B3GNT5: variants seen among roughly 807,000 people sequenced by gnomAD.
B3GNT5 encodes lactosylceramide 1,3-N-acetyl-beta-D-glucosaminyltransferase.
B3GNT5 carries 11 observed loss-of-function variants against 25.9 expected under a neutral mutation model. The observed-to-expected ratio is 0.42, with a 90% CI of 0.27 to 0.70. The LOEUF (loss-of-function observed/expected upper bound fraction) is 0.70, where lower values mean the gene tolerates loss of function less well. Ranked by LOEUF, B3GNT5 falls within the 30% of genes least tolerant of loss-of-function variation. The pLI is 0.23. For missense variants in B3GNT5, 385 were observed against 458.4 expected (o/e 0.84, Z 1.46); for synonymous variants, 166 against 158.6 (o/e 1.05, Z -0.35).
chr3:183,270,612 T>G lies in B3GNT5; in HGVS notation c.814T>G (p.Ser272Ala), dbSNP rs1251242157. Reference sequence around the variant, plus strand: ...TGTAGCTGCCAAAGTCTATGAGGCATCACAGACACTAAATTCAAGTCTTTA... The same window carrying G: ...TGTAGCTGCCAAAGTCTATGAGGCAGCACAGACACTAAATTCAAGTCTTTA... ...GDVAAKVYEA[S>A]QTLNSSLYID... Residue 272 changes from serine (S) to alanine (A), a missense_variant, in exon 2 of 2, where the codon TCA (serine) becomes GCA (alanine). By Grantham distance (99) the Ser-to-Ala change is moderately conservative. Coordinates refer to ENST00000326505, the MANE Select transcript of B3GNT5 (RefSeq NM_032047.5). The surrounding 1 kb of genome is among the most constrained non-coding windows in gnomAD (Gnocchi z 4.5). 4 of 1,614,190 alleles carry G rather than the reference T, an allele frequency of 2.5e-6. No homozygotes were observed. The highest frequency in any genetic ancestry group is 3.4e-6 in the Non-Finnish European group (4 of 1,180,038).
chr3:183,268,985 CTG>C (rs1174370403), intron 1 of B3GNT5, among the ~76,000 whole-genome samples: 1 of 151,930 alleles, frequency 6.6e-6, no homozygotes, highest in Non-Finnish European at 1.5e-5. Context: ...AAGGAGCAAA[CTG>C]TGACTCCTTG....
At position 183,270,006 on chromosome 3, in the gene B3GNT5, G is replaced by C. The variant is rs1726593140; in HGVS notation, c.208G>C (p.Gly70Arg). 4.3e-6 allele frequency: 7 copies of C among 1,613,976 alleles called. No individual in the cohort carries two copies. Among genetic ancestry groups the C allele is most frequent in the Non-Finnish European group, 5.9e-6 (7 of 1,180,042 alleles). Residue 70 changes from glycine (G) to arginine (R), a missense_variant, in exon 2 of 2, where the codon GGG (glycine) becomes CGG (arginine). By Grantham distance (125) the Gly-to-Arg change is moderately radical. Coordinates refer to ENST00000326505, the MANE Select transcript of B3GNT5 (RefSeq NM_032047.5). This position sits in a 1 kb window ranked among gnomAD's most constrained non-coding sequence, Gnocchi z 4.5. ...DTLSLKHTSAGPRYQYLINHK... is the reference protein window; with the variant it reads ...DTLSLKHTSARPRYQYLINHK... ...CCTGTCTCTTAAGCACACCTCAGCG[G>C]GGCCTCGCTACCAATACTTGATTAA...
In B3GNT5 at chr3:183,272,713, A is replaced by G; in HGVS notation, c.*1778A>G. ...AACATAGAGAACAAAAGCATATTTG[A>G]CCAAGCAACAAGCTTATAATTAATT... On this transcript the variant is annotated 3_prime_UTR_variant, in exon 2 of 2. Transcript: ENST00000326505. 2.0e-6 allele frequency: 2 copies of G among 1,021,724 alleles called. No homozygotes were observed. Among genetic ancestry groups the G allele is most frequent in the Non-Finnish European group, 1.2e-6 (1 of 844,106 alleles). 63.3% of individuals were successfully genotyped at this position (1,021,724 alleles called of 1,614,324 possible).
Position 183,269,727 on chromosome 3 carries a change from G to A in B3GNT5, c.-72G>A, listed in dbSNP as rs3811732. ...GATGGACACCTACTCTACGAAACAC[G>A]AAGTTCTATGGTCTCGAAGAAGCCC... On this transcript the variant is annotated 5_prime_UTR_variant, in exon 2 of 2. Coordinates refer to ENST00000326505, the MANE Select transcript of B3GNT5 (RefSeq NM_032047.5). 427,712 of 1,382,658 alleles carry A rather than the reference G, an allele frequency of 0.31. 69,160 individuals are homozygous for A. Among genetic ancestry groups the A allele is most frequent in the Non-Finnish European group, 0.33 (332,838 of 1,014,626 alleles). 85.6% of individuals were successfully genotyped at this position (1,382,658 alleles called of 1,614,324 possible).
intron 1 of B3GNT5, among the ~76,000 whole-genome samples, chr3:183,265,029 A>G (rs1725965489): frequency 1.3e-5 from 2 of 152,212 alleles, no homozygotes; most frequent in Non-Finnish European, 2.9e-5. Flanking sequence ...AGATATCTGC[A>G]TATTTTCTTC....
intron 1 of B3GNT5, among the ~76,000 whole-genome samples, chr3:183,255,807 TAAAA>T: frequency 7.4e-6 from 1 of 134,366 alleles, no homozygotes; most frequent in Non-Finnish European, 1.6e-5. Context: ...GGTGAGATTG[TAAAA>T]AAAAAAAAAA....
At chr3:183,268,603 A>AT (rs1443900280) in intron 1 of B3GNT5, among the ~76,000 whole-genome samples, 7 of 152,308 alleles carry the variant, frequency 4.6e-5, no homozygotes, top group Admixed American at 2.0e-4. Context: ...AGGGGAGAAG[A>AT]TAACAGAATG....
chr3:183,271,010 A>G lies in B3GNT5; in HGVS notation c.*75A>G. 1.5e-6 allele frequency: 2 copies of G among 1,352,928 alleles called. No homozygotes were observed. The highest frequency in any genetic ancestry group is 2.0e-6 in the Non-Finnish European group (2 of 999,410). The allele number at this position is 1,352,928 out of a possible 1,614,324, so 83.8% of individuals were successfully genotyped here. ...GAAAAAAACCTTTAAATGTTCGTCT[A>G]TACCCTAAGTAAAATGAGGACGAAA... On this transcript the variant is annotated 3_prime_UTR_variant, in exon 2 of 2. Coordinates refer to ENST00000326505, the MANE Select transcript of B3GNT5 (RefSeq NM_032047.5).
chr3:183,273,056 GAA>G lies in B3GNT5; in HGVS notation c.*2122_*2123del. 1 of 1,482,894 alleles carries G rather than the reference GAA, an allele frequency of 6.7e-7. No individual in the cohort carries two copies. The highest frequency in any genetic ancestry group is 9.0e-7 in the Non-Finnish European group (1 of 1,115,338). The allele number at this position is 1,482,894 out of a possible 1,614,324, so 91.9% of individuals were successfully genotyped here. ...TCATCACACTTACTTAAAGTACTGA[GAA>G]GAGTATCTGTAAATAAAAGGGTTCC... On this transcript the variant is annotated 3_prime_UTR_variant, in exon 2 of 2. Transcript: ENST00000326505.
chr3:183,264,860 C>T (rs75166343), intron 1 of B3GNT5, among the ~76,000 whole-genome samples: 24 of 152,258 alleles, frequency 1.6e-4, no homozygotes, highest in East Asian at 9.6e-4. Flanking sequence ...CTGAGGGGCA[C>T]GGCTCCTAGA....
chr3:183,270,407 G>A lies in B3GNT5; in HGVS notation c.609G>A (p.Leu203=). Residue 203 remains leucine, a synonymous_variant, in exon 2 of 2, where the codon CTG becomes CTA. Coordinates refer to ENST00000326505, the MANE Select transcript of B3GNT5 (RefSeq NM_032047.5). The surrounding 1 kb of genome is among the most constrained non-coding windows in gnomAD (Gnocchi z 4.5). ...ACATATTTATTCACATGCCAAATCT[G>A]ATTGAGTACCTTCAAAGTTTAGAAC... ...DDDIFIHMPN[L]IEYLQSLEQI... The A allele has an allele frequency of 1.2e-6, 2 of 1,614,138 alleles. No individual in the cohort carries two copies. Among genetic ancestry groups the A allele is most frequent in the Non-Finnish European group, 1.7e-6 (2 of 1,179,998 alleles).
chr3:183,269,081 T>A (rs1726444257), intron 1 of B3GNT5, among the ~76,000 whole-genome samples: 1 of 152,170 alleles, frequency 6.6e-6, no homozygotes, highest in African/African-American at 2.4e-5. Flanking sequence ...TAATGGATTT[T>A]TACTGCTGTG....
chr3:183,265,233 A>G (rs1013083996), intron 1 of B3GNT5: 18 of 152,358 alleles, frequency 1.2e-4, no homozygotes, highest in African/African-American at 4.3e-4. Context: ...GGCCCCAAAC[A>G]GGGGTAACCC....
intron 1 of B3GNT5, among the ~76,000 whole-genome samples, chr3:183,266,554 T>A (rs1726141483): frequency 6.6e-6 from 1 of 152,228 alleles, no homozygotes; most frequent in Non-Finnish European, 1.5e-5. Flanking sequence ...TTTTGGGGCT[T>A]CAGAGGATGG....
Position 183,270,321 on chromosome 3 carries a change from C to T in B3GNT5, c.523C>T (p.Gln175Ter). 1 of 1,614,124 alleles carries T rather than the reference C, an allele frequency of 6.2e-7. No homozygotes were observed. Among genetic ancestry groups the T allele is most frequent in the Non-Finnish European group, 8.5e-7 (1 of 1,179,992 alleles). Residue 175 changes from glutamine to a stop codon, truncating the protein, a stop_gained, in exon 2 of 2, where the codon CAG becomes TAG. Transcript: ENST00000326505. LOFTEE classifies it high-confidence loss of function. The surrounding 1 kb of genome is among the most constrained non-coding windows in gnomAD (Gnocchi z 4.5). ...FYNLTLKLLMQFSWANTYCPH... is the reference protein window; with the variant it reads ...FYNLTLKLLM ...CAATCTTACTCTGAAATTACTTATG[C>T]AGTTCAGTTGGGCAAATACCTATTG...
At position 183,273,216 on chromosome 3, in the gene B3GNT5, T is replaced by G. The variant is rs1726936707; in HGVS notation, c.*2281T>G. 5 of 398,114 alleles carry G rather than the reference T, an allele frequency of 1.3e-5. No homozygotes were observed. Among genetic ancestry groups the G allele is most frequent in the African/African-American group, 1.0e-4 (5 of 48,304 alleles). The allele number at this position is 398,114 out of a possible 1,614,324, so 24.7% of individuals were successfully genotyped here. A position where few individuals can be genotyped will look rare whatever the true frequency, so the allele number is the denominator to read the frequency against. On this transcript the variant is annotated 3_prime_UTR_variant, in exon 2 of 2. Coordinates refer to ENST00000326505, the MANE Select transcript of B3GNT5 (RefSeq NM_032047.5). ...GAATAGAAGATGGTTATACACAGTG[T>G]TATTGTTAAAATTTTTTTACCTTTT...
intron 1 of B3GNT5, among the ~76,000 whole-genome samples, chr3:183,255,018 T>C (rs1307529934): frequency 6.6e-6 from 1 of 152,252 alleles, no homozygotes; most frequent in Non-Finnish European, 1.5e-5. Flanking sequence ...TGGATCATGT[T>C]AAAGGTACAC....
chr3:183,260,657 TC>T (rs1280667924), intron 1 of B3GNT5, among the ~76,000 whole-genome samples: 2 of 152,152 alleles, frequency 1.3e-5, no homozygotes, highest in Non-Finnish European at 2.9e-5. Context: ...CATTTGAAAT[TC>T]CCCGTCTTTA....
intron 1 of B3GNT5, among the ~76,000 whole-genome samples, chr3:183,261,179 A>C (rs1384104054): frequency 6.6e-6 from 1 of 152,196 alleles, no homozygotes; most frequent in Non-Finnish European, 1.5e-5. Context: ...GATTATTGTA[A>C]GTAATTTATT....
Sources: gnomAD v4.1 joint callset for allele counts (sites outside exome capture counted in the v4.1 genomes callset) on GRCh38, gnomAD v4.1.1 for gene constraint, Gnocchi (gnomAD v3.1) non-coding constraint, MANE v1.5 for transcripts, NCBI Gene and HGNC (gene_info 2026-07-23, HGNC 2026-07-21) for gene names.